SGCG: variants seen among roughly 807,000 people sequenced by gnomAD.
The protein encoded by SGCG is sarcoglycan gamma, also known as gamma-sarcoglycan.
Under a neutral mutation model 29.3 loss-of-function variants are expected in SGCG, and 26 were observed. That is an observed-to-expected ratio of 0.89 (90% CI 0.65 to 1.23). The LOEUF (loss-of-function observed/expected upper bound fraction) is 1.23, where lower values mean the gene tolerates loss of function less well. SGCG is among the 50% of genes most tolerant of loss of function. The probability of loss-of-function intolerance (pLI) is 0.00; values close to 1 mark genes in which losing one functional copy is unlikely to be tolerated. For synonymous variants in SGCG, 145 were observed against 129.7 expected, an observed-to-expected ratio of 1.12 and a Z score of -0.80; for missense variants, 353 against 356.0, an observed-to-expected ratio of 0.99 and a Z score of 0.07.
chr13:23,176,724 C>T (rs564892000), upstream of SGCG, among the ~76,000 whole-genome samples: 71 of 152,230 alleles, frequency 4.7e-4, no homozygotes, highest in Admixed American at 1.3e-3. Context: ...AACCTATTTA[C>T]ATGGAAGGTT....
intron 5 of SGCG, among the ~76,000 whole-genome samples, chr13:23,284,992 G>A (rs1881440267): frequency 6.6e-6 from 1 of 152,190 alleles, no homozygotes; most frequent in Non-Finnish European, 1.5e-5. Flanking sequence ...TTTCGTCCCA[G>A]AGGGGAACCT....
the SGCG span, among the ~76,000 whole-genome samples, chr13:23,164,117 T>G: frequency 1.3e-5 from 2 of 152,228 alleles, no homozygotes; most frequent in African/African-American, 4.8e-5. Context: ...CTTTTTTCTT[T>G]AAGATTGTTG....
chr13:23,169,593 T>G, the SGCG span, among the ~76,000 whole-genome samples: 1 of 151,596 alleles, frequency 6.6e-6, no homozygotes, highest in South Asian at 2.1e-4. Context: ...GCAGGAGAAT[T>G]GCTTGAACCA....
intron 4 of SGCG, among the ~76,000 whole-genome samples, chr13:23,265,640 T>C (rs1175650698): frequency 6.6e-6 from 1 of 152,076 alleles, no homozygotes; most frequent in Non-Finnish European, 1.5e-5. Context: ...CAAAAGAAGA[T>C]ACAAAAATAG....
intron 4 of SGCG, among the ~76,000 whole-genome samples, chr13:23,262,145 A>G (rs998645242): frequency 9.9e-5 from 15 of 152,186 alleles, no homozygotes; most frequent in Admixed American, 9.8e-4. Flanking sequence ...TAACTCGAAC[A>G]GTACCTCACA....
At chr13:23,264,236 AG>A (rs1475576013) in intron 4 of SGCG, among the ~76,000 whole-genome samples, 1 of 152,164 alleles carries the variant, frequency 6.6e-6, no homozygotes, top group Non-Finnish European at 1.5e-5. Context: ...GTAAAGTCTC[AG>A]GTTACAAAAA....
the SGCG span, among the ~76,000 whole-genome samples, chr13:23,161,117 T>G: frequency 6.6e-6 from 1 of 152,300 alleles, no homozygotes; most frequent in South Asian, 2.1e-4. Context: ...TAGGGGTTAC[T>G]TGGGGGTTTT....
intron 3 of SGCG, among the ~76,000 whole-genome samples, chr13:23,241,148 C>CAAA (rs150540516): frequency 0.084 from 8,015 of 94,896 alleles, 390 homozygotes; most frequent in Non-Finnish European, 0.11. Flanking sequence ...GACTCCATCT[C>CAAA]AAAAAAAAAA....
chr13:23,198,822 G>A (rs1212598039), intron 1 of SGCG, among the ~76,000 whole-genome samples: 1 of 147,952 alleles, frequency 6.8e-6, no homozygotes, highest in Non-Finnish European at 1.5e-5. Context: ...CTCCAGCCTG[G>A]GCAACAAAGC....
the SGCG span, among the ~76,000 whole-genome samples, chr13:23,164,516 C>T: frequency 6.6e-6 from 1 of 152,142 alleles, no homozygotes; most frequent in Non-Finnish European, 1.5e-5. Context: ...GAGGCCAGGT[C>T]ATTTATAAAG....
chr13:23,259,632 T>C (rs1003349308), intron 4 of SGCG, among the ~76,000 whole-genome samples: 1 of 152,202 alleles, frequency 6.6e-6, no homozygotes, highest in African/African-American at 2.4e-5. Context: ...TTAATTGTGA[T>C]GTTAGGGTGT....
chr13:23,323,325 G>T (rs4324004), intron 7 of SGCG, among the ~76,000 whole-genome samples: 20,150 of 152,258 alleles, frequency 0.13, 2,056 homozygotes, highest in African/African-American at 0.27. Flanking sequence ...GACCATGCAC[G>T]GCACAGAGCT....
chr13:23,280,664 A>G (rs1175873485), intron 5 of SGCG, among the ~76,000 whole-genome samples: 1 of 152,248 alleles, frequency 6.6e-6, no homozygotes, highest in African/African-American at 2.4e-5. Flanking sequence ...TACCTCTGCA[A>G]TTACTAGCTG....
chr13:23,324,387 C>T lies in SGCG; in HGVS notation c.722C>T (p.Thr241Ile), dbSNP rs1265119318. ...AACCAGCTTGTGCTTGATGCTGAAACTGTGTGCTTACCCAAGCTGGTGCAG... is the reference window on the plus strand; with the variant it reads ...AACCAGCTTGTGCTTGATGCTGAAATTGTGTGCTTACCCAAGCTGGTGCAG... ...SDGMLVLDAE[T>I]VCLPKLVQGT... The change falls in exon 8 of 8, where the codon ACT becomes ATT. Residue 241 changes from threonine to isoleucine, a missense_variant. By Grantham distance (89) the Thr-to-Ile change is moderately conservative. Transcript: ENST00000218867. The T allele has an allele frequency of 1.4e-5, 23 of 1,614,090 alleles. No individual in the cohort carries two copies. In the Admixed American group the frequency reaches 3.8e-4, roughly 27 times the overall value.
chr13:23,220,301 A>G (rs920745288), intron 2 of SGCG, among the ~76,000 whole-genome samples: 1 of 152,106 alleles, frequency 6.6e-6, no homozygotes, highest in African/African-American at 2.4e-5. Flanking sequence ...AAAATACAGA[A>G]TTAGCCGGGC....
chr13:23,225,528 C>T (rs1057291164), intron 2 of SGCG, among the ~76,000 whole-genome samples: 1 of 152,146 alleles, frequency 6.6e-6, no homozygotes, highest in Non-Finnish European at 1.5e-5. Context: ...GATGCTCAAA[C>T]TTTCTCTGAT....
intron 2 of SGCG, among the ~76,000 whole-genome samples, chr13:23,216,638 T>C (rs2137520451): frequency 6.6e-6 from 1 of 152,294 alleles, no homozygotes; most frequent in East Asian, 1.9e-4. Flanking sequence ...ATAAAATATG[T>C]ATTTTCTTAA....
chr13:23,226,394 G>T (rs1003211368), intron 2 of SGCG, among the ~76,000 whole-genome samples: 2 of 151,624 alleles, frequency 1.3e-5, no homozygotes, highest in Non-Finnish European at 2.9e-5. Context: ...ATATCTGTAT[G>T]TATTATAACT....
At chr13:23,242,914 A>G (rs1393704394) in intron 3 of SGCG, among the ~76,000 whole-genome samples, 12 of 152,272 alleles carry the variant, frequency 7.9e-5, no homozygotes, top group African/African-American at 1.9e-4. Flanking sequence ...CAATCTATAA[A>G]CTTCAGTTTT....
Sources: gnomAD v4.1 joint callset for allele counts (sites outside exome capture counted in the v4.1 genomes callset) on GRCh38, gnomAD v4.1.1 for gene constraint, MANE v1.5 for transcripts, NCBI Gene and HGNC (gene_info 2026-07-23, HGNC 2026-07-21) for gene names.